TUT4: variants seen among roughly 807,000 people sequenced by gnomAD.
The protein encoded by TUT4 is terminal uridylyltransferase 4.
Under a neutral mutation model 192.2 loss-of-function variants are expected in TUT4, and 36 were observed. The ratio of observed to expected loss-of-function variants is 0.19; its 90% CI spans 0.14 to 0.25. The LOEUF is 0.25. Among genes scored for constraint, TUT4 ranks in the 10% least tolerant of loss-of-function variants. The pLI, the probability that TUT4 is intolerant of heterozygous loss-of-function variation, is 1.00. For missense variants in TUT4, 1,493 were observed against 1,957.2 expected (o/e 0.76, Z 4.47); for synonymous variants, 618 against 666.0 (o/e 0.93, Z 1.11).
At chr1:52,501,830 T>C (rs565963186) in intron 4 of TUT4, among the ~76,000 whole-genome samples, 4 of 152,226 alleles carry the variant, frequency 2.6e-5, no homozygotes, top group South Asian at 2.1e-4. Context: ...CCTGAAGACA[T>C]GCTAAGTGAA....
In TUT4 at chr1:52,475,273, T is replaced by C. The variant is rs1666796396; in HGVS notation, c.2286A>G (p.Gln762=). The C allele has an allele frequency of 1.2e-6, 2 of 1,614,022 alleles. No homozygotes were observed. The highest frequency in any genetic ancestry group is 1.1e-5 in the South Asian group (1 of 91,084). Reference sequence around the variant, plus strand: ...AGTCCATTTCATCACATTGAACAGGTTGCTCTCTTTCTGCATTTATTTTTT... The same window carrying C: ...AGTCCATTTCATCACATTGAACAGGCTGCTCTCTTTCTGCATTTATTTTTT... ...TTEKINAERE[Q]PVQCDEMDCT... is the part of the protein sequence containing the mutation. Residue 762 remains glutamine, a synonymous_variant, in exon 13 of 30, where the codon CAA becomes CAG. Transcript: ENST00000257177.
Position 52,436,941 on chromosome 1 carries a change from C to T in TUT4, c.3976G>A (p.Glu1326Lys). ...TCTTCTTCATTCCCTTCCTTCTCTTCTTCACTGTCTTTCTTCTTTAGTCTA... is the reference window on the plus strand; with the variant it reads ...TCTTCTTCATTCCCTTCCTTCTCTTTTTCACTGTCTTTCTTCTTTAGTCTA... ...LFRLKKKDSE[E>K]EKEGNEEEKD... The change falls in exon 26 of 30, where the codon GAA becomes AAA. Residue 1326 changes from glutamate to lysine, a missense_variant. This residue lies in a region of TUT4 where 141 missense variants were observed against 382.7 expected (regional missense o/e 0.37). Transcript: ENST00000257177. 6.2e-7 allele frequency: 1 copy of T among 1,614,024 alleles called. No individual in the cohort carries two copies. Among genetic ancestry groups the T allele is most frequent in the African/African-American group, 1.3e-5 (1 of 74,994 alleles).
intron 9 of TUT4, among the ~76,000 whole-genome samples, chr1:52,483,621 C>A (rs1669052232): frequency 6.6e-6 from 1 of 151,920 alleles, no homozygotes; most frequent in African/African-American, 2.4e-5. Context: ...ACCAGCCTGG[C>A]CAACATAGTG....
In TUT4 at chr1:52,502,039, T is replaced by C. The variant is rs202107478; in HGVS notation, c.1000-4856A>G. Among the ~76,000 whole-genome samples the C allele has an allele frequency of 4.6e-5, 7 of 151,936 alleles. No homozygotes were observed. In the East Asian group the frequency reaches 9.7e-4, roughly 21 times the overall value. Reference sequence around the variant, plus strand: ...GAATGAAGGTGGACAGTGGAGATGATTGCAAAACAATGTAAATGTACTTAA... The same window carrying C: ...GAATGAAGGTGGACAGTGGAGATGACTGCAAAACAATGTAAATGTACTTAA... On this transcript the variant is annotated intron_variant, in intron 4 of 29. Coordinates refer to ENST00000257177, the MANE Select transcript of TUT4 (RefSeq NM_001009881.3).
In TUT4 at chr1:52,497,138, G is replaced by C; in HGVS notation, c.1045C>G (p.Pro349Ala). 1 of 1,613,070 alleles carries C rather than the reference G, an allele frequency of 6.2e-7. No homozygotes were observed. Among genetic ancestry groups the C allele is most frequent in the Non-Finnish European group, 8.5e-7 (1 of 1,179,616 alleles). ...SELRSLPPPS[P>A]AHLAALSVAV... ...ACACTTAAAGCAGCCAAGTGGGCAG[G>C]GGAAGGAGGTGGCAGAGAACGAAGC... Residue 349 changes from proline to alanine, a missense_variant, in exon 5 of 30, where the codon CCT becomes GCT. Around this residue, in one of 7 missense-constraint regions of TUT4, gnomAD observed 437 missense variants for 577.6 expected, o/e 0.76. Transcript: ENST00000257177.
At chr1:52,514,207 A>G (rs1678065059) in intron 3 of TUT4, among the ~76,000 whole-genome samples, 2 of 152,196 alleles carry the variant, frequency 1.3e-5, no homozygotes, top group Non-Finnish European at 2.9e-5. Context: ...TTGGGAGGCC[A>G]GGGTGGGTGG....
intron 19 of TUT4, 37 bp downstream of exon 19, chr1:52,461,097 C>G: frequency 6.8e-7 from 1 of 1,474,654 alleles, no homozygotes; most frequent in Non-Finnish European, 9.2e-7. Context: ...TTTTAATTAT[C>G]ATGAACAAAG....
intron 1 of TUT4, among the ~76,000 whole-genome samples, chr1:52,548,535 T>C (rs1338220349): frequency 1.3e-5 from 2 of 152,146 alleles, no homozygotes; most frequent in African/African-American, 2.4e-5. Context: ...TGCAGCAAAC[T>C]AGCTATGAGA....
chr1:52,425,538 T>C (rs931594552), intron 28 of TUT4, 31 bp from the exon 29 acceptor site: 50 of 1,582,922 alleles, frequency 3.2e-5, no homozygotes, highest in Non-Finnish European at 4.3e-5. Context: ...AAAAGACATT[T>C]AAAAACATTA....
At chr1:52,482,946 T>C (rs1668867660) in intron 9 of TUT4, among the ~76,000 whole-genome samples, 1 of 152,222 alleles carries the variant, frequency 6.6e-6, no homozygotes, top group Non-Finnish European at 1.5e-5. Flanking sequence ...AAATGAGTGA[T>C]ATATTTTAAT....
chr1:52,443,432 C>CA (rs1656335985), intron 24 of TUT4, among the ~76,000 whole-genome samples: 1 of 145,074 alleles, frequency 6.9e-6, no homozygotes, highest in South Asian at 2.2e-4. Flanking sequence ...ACTAAAAATA[C>CA]AAAAAAATTA....
rs1210463537 is a variant in TUT4, at chr1:52,453,776, A to C, written c.3435+4560T>G. Among the ~76,000 whole-genome samples the C allele has an allele frequency of 3.9e-5, 6 of 152,230 alleles. No individual in the cohort carries two copies. In the East Asian group the frequency reaches 1.2e-3, roughly 29 times the overall value. The stretch of plus-strand genomic sequence containing the variant: ...CAATGAAACAAGAAAAGGAAATAAA[A>C]GGTATACAGGGTGAGAAGAAATAAA... On this transcript the variant is annotated intron_variant, in intron 20 of 29. Transcript: ENST00000257177.
intron 24 of TUT4, among the ~76,000 whole-genome samples, chr1:52,441,204 G>A (rs540953578): frequency 1.3e-5 from 2 of 151,334 alleles, no homozygotes; most frequent in African/African-American, 2.4e-5. Context: ...TTGATACTAC[G>A]TACTGTCTCA....
intron 1 of TUT4, among the ~76,000 whole-genome samples, chr1:52,546,152 T>A (rs1187143377): frequency 6.6e-6 from 1 of 151,478 alleles, no homozygotes; most frequent in Non-Finnish European, 1.5e-5. Context: ...AATAAATAAA[T>A]AGAAGAAGAA....
At chr1:52,532,709 C>T (rs1683824649) in intron 1 of TUT4, among the ~76,000 whole-genome samples, 1 of 152,136 alleles carries the variant, frequency 6.6e-6, no homozygotes, top group Admixed American at 6.6e-5. Flanking sequence ...GTAAGTACCT[C>T]CCCACCCTAC....
At chr1:52,539,413 T>C (rs1685874798) in intron 1 of TUT4, among the ~76,000 whole-genome samples, 1 of 151,892 alleles carries the variant, frequency 6.6e-6, no homozygotes, top group African/African-American at 2.4e-5. Flanking sequence ...AGATAAGAAA[T>C]ATAGCCAGCA....
intron 9 of TUT4, among the ~76,000 whole-genome samples, chr1:52,484,528 T>A (rs1011814111): frequency 7.9e-5 from 12 of 152,144 alleles, no homozygotes; most frequent in South Asian, 2.1e-4. Context: ...GATCTCCCCA[T>A]CCCATTATTT....
At chr1:52,507,060 C>T (rs1007391229) in intron 4 of TUT4, among the ~76,000 whole-genome samples, 3 of 152,286 alleles carry the variant, frequency 2.0e-5, no homozygotes, top group African/African-American at 4.8e-5. Flanking sequence ...GAGTACTCTA[C>T]CCAGTGTCCC....
At chr1:52,458,937 T>C (rs1016457455) in intron 19 of TUT4, among the ~76,000 whole-genome samples, 2 of 152,098 alleles carry the variant, frequency 1.3e-5, no homozygotes, top group South Asian at 4.1e-4. Context: ...AGAAATAGTT[T>C]TAGGTTCATC....
Sources: gnomAD v4.1 joint callset for allele counts (sites outside exome capture counted in the v4.1 genomes callset) on GRCh38, gnomAD v4.1.1 for gene constraint, gnomAD v4.1.1 regional missense constraint, MANE v1.5 for transcripts, NCBI Gene and HGNC (gene_info 2026-07-23, HGNC 2026-07-21) for gene names.